Variants in ELP1 observed in about 807,000 individuals in gnomAD.
The protein encoded by ELP1 is elongator complex protein 1.
ELP1 carries 131 observed loss-of-function variants against 183.2 expected under a neutral mutation model. The observed-to-expected ratio is 0.72, with a 90% CI of 0.62 to 0.83. The LOEUF (loss-of-function observed/expected upper bound fraction) is 0.83. ELP1 is among the 40% of genes least tolerant of loss of function. ELP1 has a pLI of 0.00. For synonymous variants in ELP1, 555 were observed against 569.0 expected (o/e 0.98, Z 0.35); for missense variants, 1,550 against 1,594.9 (o/e 0.97, Z 0.48).
chr9:108,917,335 C>T (rs541965390), intron 9 of ELP1, among the ~76,000 whole-genome samples: 22 of 152,166 alleles, frequency 1.4e-4, no homozygotes, highest in Middle Eastern at 6.8e-3. Context: ...GCTGTGGTGG[C>T]GCAAGCCTGT....
At chr9:108,923,739 G>A (rs888365568) in intron 5 of ELP1, among the ~76,000 whole-genome samples, 2 of 152,176 alleles carry the variant, frequency 1.3e-5, no homozygotes, top group Admixed American at 6.5e-5. Context: ...TGCCTTCCAG[G>A]CTGACTGGGG....
At chr9:108,881,550 T>C (rs1827929478) in intron 31 of ELP1, among the ~76,000 whole-genome samples, 155 bp downstream of exon 31, 1 of 152,226 alleles carries the variant, frequency 6.6e-6, no homozygotes, top group South Asian at 2.1e-4. Flanking sequence ...ATTTAAAAAT[T>C]CTAGTGAGAA....
chr9:108,891,005 T>C (rs1307442328), intron 28 of ELP1, among the ~76,000 whole-genome samples, 198 bp downstream of exon 28: 1 of 152,238 alleles, frequency 6.6e-6, no homozygotes, highest in Non-Finnish European at 1.5e-5. Flanking sequence ...AATAAACTTC[T>C]TTCCATATTG....
intron 35 of ELP1, 34 bp from the exon 36 acceptor site, chr9:108,875,004 A>G: frequency 1.4e-6 from 2 of 1,440,946 alleles, no homozygotes; most frequent in Non-Finnish European, 2.0e-6. Context: ...AGCAAAGATT[A>G]TCTAATACTT....
At chr9:108,915,599 C>T (rs1829399044) in intron 10 of ELP1, among the ~76,000 whole-genome samples, 1 of 152,136 alleles carries the variant, frequency 6.6e-6, no homozygotes, top group Admixed American at 6.5e-5. Flanking sequence ...AACTTGCCAT[C>T]CCCTACATTA....
intron 36 of ELP1, among the ~76,000 whole-genome samples, chr9:108,870,175 C>G (rs1827395073): frequency 6.6e-6 from 1 of 152,054 alleles, no homozygotes; most frequent in Non-Finnish European, 1.5e-5. Flanking sequence ...CCATGCTGCC[C>G]AGGCTACTCT....
rs535388535 is a variant in ELP1 at position 108,874,692 on chromosome 9, T to C, written c.3931+203A>G. Reference sequence around the variant, plus strand: ...CACATACAATGGTCATGCTGGATTTTCCTGCACCAGGTCCCCCACCGCTAG... The same window carrying C: ...CACATACAATGGTCATGCTGGATTTCCCTGCACCAGGTCCCCCACCGCTAG... On this transcript the variant is annotated intron_variant, in intron 36 of 36. Coordinates refer to ENST00000374647, the MANE Select transcript of ELP1 (RefSeq NM_003640.5). Among the ~76,000 whole-genome samples the C allele has an allele frequency of 5.4e-4, 82 of 152,346 alleles. No homozygotes were observed. The South Asian group carries it at 0.014, about 25-fold the overall frequency.
chr9:108,877,921 A>C, intron 35 of ELP1, 74 bp downstream of exon 35: 1 of 1,503,414 alleles, frequency 6.7e-7, no homozygotes, highest in Non-Finnish European at 9.3e-7. Context: ...AAACTTTTTG[A>C]CTTGGAGATT....
chr9:108,870,969 ATTTT>A (rs33952302), intron 36 of ELP1, among the ~76,000 whole-genome samples: 414 of 83,582 alleles, frequency 5.0e-3, no homozygotes, highest in African/African-American at 0.02. Flanking sequence ...TTCATGCACC[ATTTT>A]TTTTTTTTTT....
At position 108,891,141 on chromosome 9, in the gene ELP1, A is replaced by T; in HGVS notation, c.3160+62T>A. 3.9e-6 allele frequency: 6 copies of T among 1,539,946 alleles called. No individual in the cohort carries two copies. The South Asian group carries it at 6.7e-5, about 17-fold the overall frequency. The stretch of plus-strand genomic sequence containing the variant: ...CCTAAATTTATTTGCAAAATTACCA[A>T]ACAAAAGAAATAAATTTTTTAAAAC... On this transcript the variant is annotated intron_variant, in intron 28 of 36. Transcript: ENST00000374647.
Position 108,881,730 on chromosome 9 carries a change from G to A in ELP1, c.3321C>T (p.Thr1107=), listed in dbSNP as rs1440207150. ...CTTCTAAAATGGAAGGCTTTACGTTGGTTTCTATAATATCCAGTCTGTTAT... is the reference window on the plus strand; with the variant it reads ...CTTCTAAAATGGAAGGCTTTACGTTAGTTTCTATAATATCCAGTCTGTTAT... The part of the protein sequence containing the change: ...YKYNRLDIIE[T]NVKPSILEAQ... Residue 1107 remains threonine (T), a synonymous_variant, in exon 31 of 37, where the codon ACC becomes ACT. Transcript: ENST00000374647. 5 of 1,583,950 alleles carry A rather than the reference G, an allele frequency of 3.2e-6. No individual in the cohort carries two copies. Among genetic ancestry groups the A allele is most frequent in the Non-Finnish European group, 4.3e-6 (5 of 1,153,076 alleles).
At chr9:108,880,306 T>C (rs1827877820) in intron 31 of ELP1, 141 bp from the exon 32 acceptor site, 2 of 674,552 alleles carry the variant, frequency 3.0e-6, no homozygotes, top group South Asian at 3.2e-5. Flanking sequence ...TCTTTTTCCT[T>C]AATAAGCATT....
intron 25 of ELP1, 31 bp from the exon 26 acceptor site, chr9:108,894,097 C>T (rs769068701): frequency 7.7e-7 from 1 of 1,297,192 alleles, no homozygotes; most frequent in Admixed American, 1.8e-5. Flanking sequence ...AACTTTATTA[C>T]TTGTGATATT....
chr9:108,874,684 C>T (rs1827630897), intron 36 of ELP1, among the ~76,000 whole-genome samples: 1 of 152,144 alleles, frequency 6.6e-6, no homozygotes. Context: ...AATGGTCATG[C>T]TGGATTTTCC....
chr9:108,928,442 T>C (rs1401286679), intron 3 of ELP1, among the ~76,000 whole-genome samples: 1 of 152,108 alleles, frequency 6.6e-6, no homozygotes, highest in Non-Finnish European at 1.5e-5. Context: ...CTGACGTGTT[T>C]CAAAGAGTGG....
chr9:108,883,922 T>C (rs1257634734), intron 29 of ELP1, among the ~76,000 whole-genome samples: 3 of 151,852 alleles, frequency 2.0e-5, no homozygotes, highest in African/African-American at 7.3e-5. Context: ...TAGGTTTAAA[T>C]CTAACTATAT....
At chr9:108,930,566 T>C (rs576931823) in intron 2 of ELP1, among the ~76,000 whole-genome samples, 2 of 151,980 alleles carry the variant, frequency 1.3e-5, no homozygotes, top group African/African-American at 4.8e-5. Flanking sequence ...GGCGGGCGCC[T>C]GTAGTCCCAG....
At chr9:108,872,803 T>TCAAAACAAAA (rs1564207087) in intron 36 of ELP1, among the ~76,000 whole-genome samples, 2 of 62,812 alleles carry the variant, frequency 3.2e-5, no homozygotes, top group African/African-American at 1.6e-4. Flanking sequence ...AGACTCTGTC[T>TCAAAACAAAA]GAAAAAAAAA....
intron 35 of ELP1, among the ~76,000 whole-genome samples, chr9:108,876,641 A>G (rs1401999255): frequency 1.3e-5 from 2 of 151,680 alleles, no homozygotes; most frequent in African/African-American, 4.9e-5. Context: ...CTGGCTTCCC[A>G]TCATGTCCTG....
Sources: gnomAD v4.1 joint callset for allele counts (sites outside exome capture counted in the v4.1 genomes callset) on GRCh38, gnomAD v4.1.1 for gene constraint, MANE v1.5 for transcripts, NCBI Gene and HGNC (gene_info 2026-07-23, HGNC 2026-07-21) for gene names.